FSTL5: variants seen among roughly 807,000 people sequenced by gnomAD.
FSTL5 encodes the protein follistatin like 5, also known as follistatin-related protein 5.
Under a neutral mutation model 89.1 loss-of-function variants are expected in FSTL5, and 62 were observed. That is an observed-to-expected ratio of 0.70 (90% CI 0.57 to 0.86). The LOEUF is 0.86. FSTL5 is among the 40% of genes least tolerant of loss of function. FSTL5 has a pLI of 0.00. For missense variants in FSTL5, 1,057 were observed against 1,001.6 expected (o/e 1.06, Z -0.75); for synonymous variants, 383 against 346.2 (o/e 1.11, Z -1.18).
At chr4:161,542,367 A>C (rs1731848255) in intron 9 of FSTL5, among the ~76,000 whole-genome samples, 165 bp downstream of exon 9, 1 of 152,118 alleles carries the variant, frequency 6.6e-6, no homozygotes, top group African/African-American at 2.4e-5. Flanking sequence ...ATGTTAAAAG[A>C]ATCTTTCCCA....
rs1196026345 is a variant in FSTL5 at position 162,130,392 on chromosome 4, C to G, written c.-16-18980G>C. 1.3e-5 allele frequency among the ~76,000 whole-genome samples: 2 copies of G among 151,974 alleles called. 1 individual carries two copies. The highest frequency in any genetic ancestry group is 3.9e-4 in the East Asian group (2 of 5,156). ...TCAATCAAACAAGAATGTTGTGTTT[C>G]CTACGCAAGTGATTAGAAAGGCGTA... On this transcript the variant is annotated intron_variant, in intron 1 of 15. Transcript: ENST00000306100.
chr4:161,838,376 T>A (rs1032493129), intron 4 of FSTL5, among the ~76,000 whole-genome samples: 5 of 152,202 alleles, frequency 3.3e-5, no homozygotes, highest in Non-Finnish European at 5.9e-5. Context: ...CCTCCCAGGT[T>A]CATGCCATTC....
intron 4 of FSTL5, among the ~76,000 whole-genome samples, chr4:161,823,205 G>A (rs529665304): frequency 2.2e-4 from 33 of 152,090 alleles, no homozygotes; most frequent in South Asian, 1.0e-3. Flanking sequence ...GCTTTAGGCC[G>A]TCCCTCGCTT....
At chr4:161,778,830 A>G (rs1741515747) in intron 4 of FSTL5, among the ~76,000 whole-genome samples, 1 of 152,238 alleles carries the variant, frequency 6.6e-6, no homozygotes, top group Admixed American at 6.5e-5. Context: ...CAAATAGCAA[A>G]CATGTATTTA....
Position 161,386,632 on chromosome 4 carries a change from ATTCT to A in FSTL5, c.1842-187_1842-184del, listed in dbSNP as rs549585695. On this transcript the variant is annotated intron_variant, in intron 15 of 15. Coordinates refer to ENST00000306100, the MANE Select transcript of FSTL5 (RefSeq NM_020116.5). ...GCCACTCTCCTTCTTTCTCTAGGTC[ATTCT>A]TTCATTACATCCAAATCATCATAAC... 97 of 563,646 alleles carry A rather than the reference ATTCT, an allele frequency of 1.7e-4. No homozygotes were observed. The East Asian group carries it at 2.8e-3, about 16-fold the overall frequency. 34.9% of individuals were successfully genotyped at this position (563,646 alleles called of 1,614,324 possible).
At chr4:161,420,772 C>T (rs1731958987) in intron 15 of FSTL5, among the ~76,000 whole-genome samples, 1 of 149,712 alleles carries the variant, frequency 6.7e-6, no homozygotes, top group African/African-American at 2.5e-5. Context: ...ATATAGATAG[C>T]ATATATATTT....
At chr4:161,702,989 C>T (rs1738452374) in intron 6 of FSTL5, among the ~76,000 whole-genome samples, 1 of 151,948 alleles carries the variant, frequency 6.6e-6, no homozygotes. Context: ...GGCTCTAATC[C>T]ATCTAGTTGA....
At chr4:161,764,296 T>C (rs546154416) in intron 5 of FSTL5, among the ~76,000 whole-genome samples, 1 of 152,328 alleles carries the variant, frequency 6.6e-6, no homozygotes, top group Admixed American at 6.5e-5. Context: ...TTCACTCTTG[T>C]TGTCCAGGCT....
chr4:161,748,348 G>GTACA (rs1476144575), intron 6 of FSTL5, among the ~76,000 whole-genome samples: 1 of 151,964 alleles, frequency 6.6e-6, no homozygotes, highest in African/African-American at 2.4e-5. Context: ...ATGTACATAT[G>GTACA]TACATATATT....
chr4:161,826,420 TG>T (rs554143610), intron 4 of FSTL5, among the ~76,000 whole-genome samples: 241 of 152,280 alleles, frequency 1.6e-3, no homozygotes, highest in African/African-American at 5.5e-3. Context: ...TTAAATCCAT[TG>T]TTTTTTTTGT....
chr4:162,085,100 T>C (rs965932372), intron 2 of FSTL5, among the ~76,000 whole-genome samples: 7 of 151,956 alleles, frequency 4.6e-5, no homozygotes, highest in African/African-American at 1.7e-4. Flanking sequence ...AACTTTCCCA[T>C]AAAAATAAGA....
At chr4:161,535,178 T>C (rs1020006522) in intron 10 of FSTL5, among the ~76,000 whole-genome samples, 2 of 152,082 alleles carry the variant, frequency 1.3e-5, no homozygotes, top group Non-Finnish European at 2.9e-5. Context: ...AATTTATGGC[T>C]AAGTCCTCAA....
At chr4:161,929,238 G>C (rs1734212181) in intron 3 of FSTL5, among the ~76,000 whole-genome samples, 1 of 102,106 alleles carries the variant, frequency 9.8e-6, no homozygotes, top group East Asian at 2.9e-4. Context: ...CATTTAATTA[G>C]CTTTGCTTTT....
In FSTL5 at chr4:161,882,194, T is replaced by C. The variant is rs546749742; in HGVS notation, c.409+38210A>G. 7.4e-4 allele frequency among the ~76,000 whole-genome samples: 113 copies of C among 152,214 alleles called. 1 individual carries two copies. Among genetic ancestry groups the C allele is most frequent in the African/African-American group, 2.0e-3 (83 of 41,562 alleles). ...TTCCTCCTAGCCTCTGGTCAACTCT[T>C]TTCCAGATTCTGTGAGCACTACAGT... On this transcript the variant is annotated intron_variant, in intron 4 of 15. Transcript: ENST00000306100.
At chr4:161,611,208 G>C (rs11944397) in intron 7 of FSTL5, among the ~76,000 whole-genome samples, 1 of 131,290 alleles carries the variant, frequency 7.6e-6, no homozygotes, top group African/African-American at 3.0e-5. Context: ...GTATATATAT[G>C]TGTATATGTG....
At chr4:161,480,630 T>C (rs751518570) in intron 13 of FSTL5, among the ~76,000 whole-genome samples, 3 of 152,300 alleles carry the variant, frequency 2.0e-5, no homozygotes, top group Middle Eastern at 6.8e-3. Flanking sequence ...GTCTTGGTCT[T>C]TGTTAAGAAT....
intron 6 of FSTL5, among the ~76,000 whole-genome samples, chr4:161,656,935 T>G (rs945758761): frequency 1.3e-5 from 2 of 152,176 alleles, no homozygotes; most frequent in African/African-American, 4.8e-5. Flanking sequence ...GGAAACCTAT[T>G]GACTCTGAAG....
intron 3 of FSTL5, among the ~76,000 whole-genome samples, chr4:161,967,404 T>C (rs970999069): frequency 4.8e-5 from 7 of 145,182 alleles, no homozygotes; most frequent in Admixed American, 2.7e-4. Flanking sequence ...ACCACAAAAA[T>C]AGAAAAAAAT....
At chr4:162,019,885 T>C (rs1737022577) in intron 3 of FSTL5, among the ~76,000 whole-genome samples, 2 of 149,782 alleles carry the variant, frequency 1.3e-5, no homozygotes, top group African/African-American at 2.4e-5. Flanking sequence ...TATGCATTTA[T>C]TTTTATAATA....
Sources: gnomAD v4.1 joint callset for allele counts (sites outside exome capture counted in the v4.1 genomes callset) on GRCh38, gnomAD v4.1.1 for gene constraint, MANE v1.5 for transcripts, NCBI Gene and HGNC (gene_info 2026-07-23, HGNC 2026-07-21) for gene names.